The following CACNA1E variants were observed in gnomAD, a reference collection of about 807,000 sequenced individuals.
CACNA1E encodes voltage-dependent R-type calcium channel subunit alpha-1E.
A neutral mutation model predicts 259.2 loss-of-function variants in CACNA1E; 40 were observed. The ratio of observed to expected loss-of-function variants is 0.15; its 90% CI spans 0.12 to 0.20. CACNA1E has a LOEUF of 0.20. Ranked by LOEUF, CACNA1E falls within the 10% of genes least tolerant of loss-of-function variation. The pLI is 1.00. For missense variants in CACNA1E, 1,874 were observed against 3,040.1 expected, an observed-to-expected ratio of 0.62 and a Z score of 9.02; for synonymous variants, 1,104 against 1,138.5, an observed-to-expected ratio of 0.97 and a Z score of 0.61.
chr1:181,539,447 G>C (rs990172291), intron 3 of CACNA1E, among the ~76,000 whole-genome samples: 4 of 152,186 alleles, frequency 2.6e-5, no homozygotes, highest in Admixed American at 2.6e-4. Context: ...AGGAAGACAG[G>C]CAAAATATTT....
At chr1:181,385,945 T>C (rs951156022) in intron 1 of CACNA1E, among the ~76,000 whole-genome samples, 1 of 152,132 alleles carries the variant, frequency 6.6e-6, no homozygotes, top group East Asian at 1.9e-4. Context: ...CTACCATATA[T>C]ATACTGAAGA....
intron 6 of CACNA1E, among the ~76,000 whole-genome samples, chr1:181,594,396 T>C (rs1383335424): frequency 2.6e-5 from 4 of 152,048 alleles, no homozygotes; most frequent in African/African-American, 9.7e-5. Context: ...GTATCAGGCA[T>C]TGGGTTATAT....
At chr1:181,642,825 G>A (rs934943476) in intron 6 of CACNA1E, among the ~76,000 whole-genome samples, 1 of 152,170 alleles carries the variant, frequency 6.6e-6, no homozygotes, top group Non-Finnish European at 1.5e-5. Flanking sequence ...CTCCATCCTG[G>A]CCCCCCAGAG....
chr1:181,396,996 G>A (rs1656724343), intron 1 of CACNA1E, among the ~76,000 whole-genome samples: 1 of 152,316 alleles, frequency 6.6e-6, no homozygotes, highest in South Asian at 2.1e-4. Context: ...CAGCGAACCT[G>A]GCCAATGGAA....
intron 25 of CACNA1E, among the ~76,000 whole-genome samples, chr1:181,745,942 C>T (rs1421509609): frequency 1.3e-5 from 2 of 152,158 alleles, no homozygotes; most frequent in African/African-American, 4.8e-5. Context: ...CTGTGTATAG[C>T]AAAGGAGAAA....
At chr1:181,413,534 G>C (rs1658030404) in exon 2 of CACNA1E, 1 of 152,438 alleles carries the variant, frequency 6.6e-6, no homozygotes, top group African/African-American at 2.4e-5. Context: ...GGCCCACGAG[G>C]CGCACAAGAT....
chr1:181,373,510 T>C (rs1341586883), intron 1 of CACNA1E, among the ~76,000 whole-genome samples: 2 of 151,690 alleles, frequency 1.3e-5, no homozygotes, highest in African/African-American at 2.4e-5. Context: ...TGTGTTTATT[T>C]GGATGTTCTC....
intron 2 of CACNA1E, among the ~76,000 whole-genome samples, chr1:181,417,667 A>G (rs1658369836): frequency 6.6e-6 from 1 of 151,328 alleles, no homozygotes; most frequent in South Asian, 2.1e-4. Flanking sequence ...TTTTCTATTC[A>G]CTCTCACACT....
chr1:181,650,042 A>G lies in CACNA1E; in HGVS notation c.952-1296A>G, dbSNP rs138551176. ...TGTTGTTAATGGATGAATCAACTAT[A>G]CAGTGATAGCTTCCATGACTGATAA... On this transcript the variant is annotated intron_variant, in intron 6 of 47. Transcript: ENST00000367573. Among the ~76,000 whole-genome samples, 143 of 152,340 alleles carry G rather than the reference A, an allele frequency of 9.4e-4. 1 individual carries two copies. In the East Asian group the frequency reaches 0.027, roughly 29 times the overall value.
intron 3 of CACNA1E, among the ~76,000 whole-genome samples, chr1:181,523,947 G>A: frequency 6.6e-6 from 1 of 152,228 alleles, no homozygotes; most frequent in South Asian, 2.1e-4. Context: ...CGAGATATAT[G>A]GCCCGTGTTT....
At chr1:181,674,932 C>T (rs75403968) in intron 7 of CACNA1E, among the ~76,000 whole-genome samples, 5,172 of 152,296 alleles carry the variant, frequency 0.034, 279 homozygotes, top group African/African-American at 0.12. Flanking sequence ...CAGGCTCTCT[C>T]ATTCCTGTTT....
intron 2 of CACNA1E, among the ~76,000 whole-genome samples, chr1:181,439,905 A>G (rs1571878339): frequency 6.6e-6 from 1 of 152,340 alleles, no homozygotes; most frequent in East Asian, 1.9e-4. Context: ...ACTAAGTGCC[A>G]GGGGACAGAA....
At chr1:181,421,266 T>C (rs1339201281) in intron 2 of CACNA1E, among the ~76,000 whole-genome samples, 2 of 152,216 alleles carry the variant, frequency 1.3e-5, no homozygotes, top group African/African-American at 4.8e-5. Context: ...GGGCACTTTG[T>C]AACCTCCGCA....
At position 181,485,121 on chromosome 1, in the gene CACNA1E, G is replaced by C. The variant is rs1040924399; in HGVS notation, c.266+1111G>C. ...TGGTCTGGCGTTAAATATGGGGATGGGGTTGGAGACATGGGACTTTGGGAG... is the reference window on the plus strand; with the variant it reads ...TGGTCTGGCGTTAAATATGGGGATGCGGTTGGAGACATGGGACTTTGGGAG... On this transcript the variant is annotated intron_variant, in intron 1 of 47. Transcript: ENST00000367573. This position sits in a 1 kb window ranked among gnomAD's most constrained non-coding sequence, Gnocchi z 4.2. 6.6e-6 allele frequency among the ~76,000 whole-genome samples: 1 copy of C among 152,194 alleles called. No individual in the cohort carries two copies. Among genetic ancestry groups the C allele is most frequent in the Non-Finnish European group, 1.5e-5 (1 of 68,036 alleles).
chr1:181,479,496 C>A (rs900483524), upstream of CACNA1E, among the ~76,000 whole-genome samples: 4 of 152,196 alleles, frequency 2.6e-5, no homozygotes, highest in Non-Finnish European at 5.9e-5. Context: ...GAACTCGGGG[C>A]ACTGGAAGGA....
intron 43 of CACNA1E, 71 bp from the exon 44 acceptor site, chr1:181,790,373 GC>G: frequency 1.1e-6 from 1 of 916,542 alleles, no homozygotes; most frequent in Non-Finnish European, 1.8e-6. Flanking sequence ...AAAGGGTGTT[GC>G]CCTGCTGGGG....
chr1:181,412,763 C>A (rs999624684), intron 1 of CACNA1E, among the ~76,000 whole-genome samples: 1 of 152,190 alleles, frequency 6.6e-6, no homozygotes, highest in Admixed American at 6.5e-5. Context: ...TCGGAGTTCT[C>A]TCCTTATTGC....
intron 1 of CACNA1E, among the ~76,000 whole-genome samples, chr1:181,342,436 C>A (rs1430066666): frequency 2.0e-5 from 3 of 151,936 alleles, no homozygotes; most frequent in African/African-American, 7.3e-5. Context: ...AAAAAAATAA[C>A]CCTGGGAATT....
At chr1:181,620,805 C>T (rs1015536513) in intron 6 of CACNA1E, among the ~76,000 whole-genome samples, 2 of 152,160 alleles carry the variant, frequency 1.3e-5, no homozygotes, top group Non-Finnish European at 2.9e-5. Flanking sequence ...AGGAAAGGCT[C>T]ATTCACATAG....
Sources: allele counts gnomAD v4.1 joint callset (sites outside exome capture counted in the v4.1 genomes callset), GRCh38; gene constraint gnomAD v4.1.1; non-coding constraint Gnocchi (gnomAD v3.1); transcripts MANE v1.5; gene names NCBI Gene and HGNC (gene_info 2026-07-23, HGNC 2026-07-21).